The following ANGPT1 variants were observed in gnomAD, a reference collection of about 807,000 sequenced individuals.
The protein encoded by ANGPT1 is angiopoietin-1.
A neutral mutation model predicts 62.2 loss-of-function variants in ANGPT1; 17 were observed. The ratio of observed to expected loss-of-function variants is 0.27; its 90% CI spans 0.19 to 0.41. ANGPT1 has a LOEUF of 0.41. Among genes scored for constraint, ANGPT1 ranks in the 10% least tolerant of loss-of-function variants. The probability of loss-of-function intolerance (pLI) is 1.00; values close to 1 mark genes in which losing one functional copy is unlikely to be tolerated. For synonymous variants in ANGPT1, 199 were observed against 198.9 expected (o/e 1.00, Z 0.00); for missense variants, 478 against 594.9 (o/e 0.80, Z 2.04).
At chr8:107,300,144 C>CATCTATATATAGAGATCTATATCT (rs1452829285) in intron 5 of ANGPT1, among the ~76,000 whole-genome samples, 110 of 144,790 alleles carry the variant, frequency 7.6e-4, no homozygotes, top group Middle Eastern at 8.1e-3. Context: ...GTATAGTATA[C>CATCTATATATAGAGATCTATATCT]ATCTATATAT....
chr8:107,345,257 G>C (rs1441780457), intron 2 of ANGPT1, among the ~76,000 whole-genome samples: 1 of 152,144 alleles, frequency 6.6e-6, no homozygotes, highest in Non-Finnish European at 1.5e-5. Context: ...AGTTTTGGCT[G>C]CTTCGTATAA....
intron 7 of ANGPT1, among the ~76,000 whole-genome samples, chr8:107,273,900 A>G (rs1190972115): frequency 2.6e-5 from 4 of 151,372 alleles, no homozygotes; most frequent in Admixed American, 6.6e-5. Flanking sequence ...TCATCATTCT[A>G]GGGAAAAAGT....
At chr8:107,305,369 C>T (rs545037006) in intron 4 of ANGPT1, among the ~76,000 whole-genome samples, 1 of 151,864 alleles carries the variant, frequency 6.6e-6, no homozygotes, top group Non-Finnish European at 1.5e-5. Flanking sequence ...CCTGCCCTCC[C>T]TTTTTTAGTT....
At chr8:107,317,568 C>T (rs4397378) in intron 4 of ANGPT1, among the ~76,000 whole-genome samples, 139,767 of 151,760 alleles carry the variant, frequency 0.92, 64,396 homozygotes, top group Middle Eastern at 0.97. Flanking sequence ...CACGTGTATG[C>T]TCAACATGAG....
chr8:107,364,190 C>T (rs1250648834), intron 1 of ANGPT1, among the ~76,000 whole-genome samples: 1 of 152,092 alleles, frequency 6.6e-6, no homozygotes, highest in African/African-American at 2.4e-5. Context: ...ATATAGCAAG[C>T]AAGCATCCAC....
At chr8:107,453,490 C>A (rs1213423627) in intron 1 of ANGPT1, among the ~76,000 whole-genome samples, 1 of 151,724 alleles carries the variant, frequency 6.6e-6, no homozygotes, top group Non-Finnish European at 1.5e-5. Flanking sequence ...CAGGGAAACT[C>A]CCCCTTATAA....
rs1279771526 is a variant in ANGPT1, at chr8:107,249,502, A to G, written c.*2353T>C. ...TGAAGTTGCACAAATATTACTTTCA[A>G]TTTTATTTAAATCAAATAATGTTGT... On this transcript the variant is annotated 3_prime_UTR_variant, in exon 9 of 9. Coordinates refer to ENST00000517746, the MANE Select transcript of ANGPT1 (RefSeq NM_001146.5). 1 of 152,232 alleles carries G rather than the reference A, an allele frequency of 6.6e-6. No homozygotes were observed. The highest frequency in any genetic ancestry group is 2.4e-5 in the African/African-American group (1 of 41,468). The allele number at this position is 152,232 out of a possible 1,614,324, so 9.4% of individuals were successfully genotyped here. A position where few individuals can be genotyped will look rare whatever the true frequency, so the allele number is the denominator to read the frequency against.
chr8:107,392,063 T>A (rs550888206), intron 1 of ANGPT1, among the ~76,000 whole-genome samples: 5 of 152,272 alleles, frequency 3.3e-5, no homozygotes, highest in Admixed American at 1.3e-4. Flanking sequence ...AATAATCTCC[T>A]CCATTCTGAA....
chr8:107,256,335 G>T (rs193219146), intron 8 of ANGPT1, among the ~76,000 whole-genome samples: 2 of 152,058 alleles, frequency 1.3e-5, no homozygotes, highest in African/African-American at 2.4e-5. Context: ...TAATTTGTTC[G>T]TATCAAATAT....
chr8:107,371,122 C>A (rs962851150), intron 1 of ANGPT1, among the ~76,000 whole-genome samples: 11 of 152,116 alleles, frequency 7.2e-5, no homozygotes, highest in African/African-American at 2.7e-4. Flanking sequence ...GATGCCATCT[C>A]AATAGGGTTT....
chr8:107,370,867 A>T (rs541642208), intron 1 of ANGPT1, among the ~76,000 whole-genome samples: 1 of 152,262 alleles, frequency 6.6e-6, no homozygotes, highest in Admixed American at 6.5e-5. Context: ...TATAATGAGA[A>T]TTACCAAAAT....
chr8:107,252,451 T>C (rs1813267569), intron 8 of ANGPT1, among the ~76,000 whole-genome samples: 2 of 152,166 alleles, frequency 1.3e-5, no homozygotes, highest in South Asian at 2.1e-4. Flanking sequence ...TGCAGAAACT[T>C]AGACAAGCAA....
Position 107,370,405 on chromosome 8 carries a change from A to G in ANGPT1, c.298-23308T>C, listed in dbSNP as rs527949155. On this transcript the variant is annotated intron_variant, in intron 1 of 8. Transcript: ENST00000517746. ...GAAAGAAAGAAAGAAAGAAAGAAAG[A>G]AAGAGTCAGGGTCAGTGGCTCAGGC... Among the ~76,000 whole-genome samples the G allele has an allele frequency of 8.4e-4, 115 of 137,526 alleles. 21 individuals carry two copies. The highest frequency in any genetic ancestry group is 2.8e-3 in the African/African-American group (108 of 37,932). The allele number at this position is 137,526 out of a possible 152,430, so 90.2% of individuals were successfully genotyped here.
chr8:107,435,416 A>G (rs1465588746), intron 1 of ANGPT1, among the ~76,000 whole-genome samples: 1 of 152,196 alleles, frequency 6.6e-6, no homozygotes, highest in Non-Finnish European at 1.5e-5. Context: ...GCTTCTCAAA[A>G]TGTAATGTGT....
intron 1 of ANGPT1, among the ~76,000 whole-genome samples, chr8:107,380,690 C>T (rs537098640): frequency 6.6e-6 from 1 of 152,100 alleles, no homozygotes; most frequent in South Asian, 2.1e-4. Context: ...AATGTGTCTC[C>T]AAAAAATGGA....
chr8:107,314,149 G>A (rs779650586), intron 4 of ANGPT1, among the ~76,000 whole-genome samples: 12 of 152,312 alleles, frequency 7.9e-5, no homozygotes, highest in Non-Finnish European at 1.6e-4. Context: ...AACTATCTGT[G>A]CTCCTTCGCT....
At chr8:107,484,475 C>A (rs986583877) in intron 1 of ANGPT1, among the ~76,000 whole-genome samples, 1 of 152,180 alleles carries the variant, frequency 6.6e-6, no homozygotes, top group Non-Finnish European at 1.5e-5. Context: ...GATCCCAGCT[C>A]ACTGCAGCCT....
At chr8:107,347,868 G>A (rs1040945691) in intron 1 of ANGPT1, among the ~76,000 whole-genome samples, 30 of 152,102 alleles carry the variant, frequency 2.0e-4, no homozygotes, top group Non-Finnish European at 4.1e-4. Flanking sequence ...TTAGAGAACA[G>A]TATAGTGCTA....
At chr8:107,398,145 C>T (rs1332163406) in intron 1 of ANGPT1, among the ~76,000 whole-genome samples, 1 of 152,140 alleles carries the variant, frequency 6.6e-6, no homozygotes, top group Non-Finnish European at 1.5e-5. Flanking sequence ...ATGCAGCTAC[C>T]TGAATAACCC....
Sources: gnomAD v4.1 joint callset for allele counts (sites outside exome capture counted in the v4.1 genomes callset) on GRCh38, gnomAD v4.1.1 for gene constraint, MANE v1.5 for transcripts, NCBI Gene and HGNC (gene_info 2026-07-23, HGNC 2026-07-21) for gene names.